The following CDH13 variants were observed in gnomAD, a reference collection of about 807,000 sequenced individuals.
CDH13 encodes the protein cadherin 13.
A neutral mutation model predicts 63.8 loss-of-function variants in CDH13; 24 were observed. That is an observed-to-expected ratio of 0.38 (90% CI 0.27 to 0.53). CDH13 has a LOEUF of 0.53. CDH13 is among the 20% of genes least tolerant of loss of function. The pLI is 0.85. For missense variants in CDH13, 1,049 were observed against 903.1 expected, an observed-to-expected ratio of 1.16 and a Z score of -2.07; for synonymous variants, 503 against 355.3, an observed-to-expected ratio of 1.42 and a Z score of -4.67.
intron 5 of CDH13, among the ~76,000 whole-genome samples, chr16:83,274,752 A>G (rs551258700): frequency 6.6e-6 from 1 of 152,288 alleles, no homozygotes; most frequent in Non-Finnish European, 1.5e-5. Context: ...AAATATGCAC[A>G]TTCTTGGGCC....
chr16:82,791,970 G>T (rs892837423), intron 1 of CDH13, among the ~76,000 whole-genome samples: 6 of 152,102 alleles, frequency 3.9e-5, no homozygotes, highest in Non-Finnish European at 8.8e-5. Context: ...ACAAAGACCC[G>T]CCCGTATCAT....
At chr16:83,081,356 C>T (rs374182660) in intron 3 of CDH13, among the ~76,000 whole-genome samples, 1 of 152,122 alleles carries the variant, frequency 6.6e-6, no homozygotes, top group Admixed American at 6.5e-5. Context: ...TGAAGACGGG[C>T]ATTGAACACA....
chr16:82,782,904 A>G (rs2035831966), intron 1 of CDH13, among the ~76,000 whole-genome samples: 1 of 152,104 alleles, frequency 6.6e-6, no homozygotes, highest in Non-Finnish European at 1.5e-5. Context: ...CCAGGTCTCT[A>G]TTGAAATGCA....
intron 5 of CDH13, among the ~76,000 whole-genome samples, chr16:83,324,449 GTC>G (rs886692127): frequency 2.0e-5 from 3 of 152,184 alleles, no homozygotes; most frequent in African/African-American, 7.2e-5. Flanking sequence ...TCTACTTCTT[GTC>G]TCTGTAGATG....
chr16:82,879,115 C>T (rs1782440099), intron 2 of CDH13, among the ~76,000 whole-genome samples: 1 of 152,152 alleles, frequency 6.6e-6, no homozygotes, highest in Admixed American at 6.5e-5. Flanking sequence ...TTGAGCTTTG[C>T]AGGCTGGGCC....
intron 2 of CDH13, among the ~76,000 whole-genome samples, chr16:82,965,802 T>C (rs141606844): frequency 1.3e-5 from 2 of 152,336 alleles, no homozygotes; most frequent in East Asian, 3.9e-4. Flanking sequence ...CAGTAAACTT[T>C]ATTTTATTTT....
chr16:82,749,933 C>T (rs1335434685), intron 1 of CDH13, among the ~76,000 whole-genome samples: 1 of 152,128 alleles, frequency 6.6e-6, no homozygotes, highest in African/African-American at 2.4e-5. Context: ...AGGCTCCTGT[C>T]TCTAGAAACA....
intron 5 of CDH13, among the ~76,000 whole-genome samples, chr16:83,315,592 T>G (rs938593382): frequency 1.3e-5 from 2 of 152,088 alleles, no homozygotes; most frequent in African/African-American, 4.8e-5. Flanking sequence ...CAATATTTGC[T>G]TCGGGGGAAA....
intron 1 of CDH13, among the ~76,000 whole-genome samples, chr16:82,693,366 A>G (rs1056726954): frequency 6.6e-6 from 1 of 152,224 alleles, no homozygotes; most frequent in East Asian, 1.9e-4. Context: ...AGGACCTGCT[A>G]GCAGAATTCT....
chr16:82,781,531 A>G (rs150111476), intron 1 of CDH13, among the ~76,000 whole-genome samples: 1 of 151,902 alleles, frequency 6.6e-6, no homozygotes, highest in Non-Finnish European at 1.5e-5. Context: ...CTATTCACCT[A>G]TCCATCCACC....
At chr16:82,740,417 C>A (rs1305617609) in intron 1 of CDH13, among the ~76,000 whole-genome samples, 1 of 152,214 alleles carries the variant, frequency 6.6e-6, no homozygotes, top group Non-Finnish European at 1.5e-5. Flanking sequence ...AACCCGCTTT[C>A]TTCAGAAGTG....
chr16:82,853,808 A>T (rs936083791), intron 1 of CDH13, among the ~76,000 whole-genome samples: 1 of 152,224 alleles, frequency 6.6e-6, no homozygotes, highest in Non-Finnish European at 1.5e-5. Flanking sequence ...TAAGACTATG[A>T]TTGCCGTGGC....
chr16:83,332,702 A>G (rs1027984364), intron 5 of CDH13, among the ~76,000 whole-genome samples: 2 of 152,120 alleles, frequency 1.3e-5, no homozygotes, highest in African/African-American at 2.4e-5. Context: ...ACCAATTAAA[A>G]TTTTTAGCCT....
intron 6 of CDH13, among the ~76,000 whole-genome samples, chr16:83,474,111 C>A (rs1351111715): frequency 6.6e-6 from 1 of 152,092 alleles, no homozygotes; most frequent in Admixed American, 6.5e-5. Context: ...GAGTCTCTTT[C>A]TTTTAAAATA....
chr16:82,810,506 T>C (rs936164834), intron 1 of CDH13, among the ~76,000 whole-genome samples: 5 of 152,148 alleles, frequency 3.3e-5, no homozygotes, highest in Admixed American at 2.6e-4. Context: ...CACTTTGGCC[T>C]GGAATGAGAG....
At chr16:83,605,730 G>A (rs6563943) in intron 8 of CDH13, among the ~76,000 whole-genome samples, 74,277 of 152,080 alleles carry the variant, frequency 0.49, 20,952 homozygotes, top group African/African-American at 0.79. Context: ...TATTATGACA[G>A]TGATGTTTCC....
At chr16:82,760,261 C>T (rs1312109943) in intron 1 of CDH13, among the ~76,000 whole-genome samples, 5 of 152,134 alleles carry the variant, frequency 3.3e-5, no homozygotes, top group Non-Finnish European at 5.9e-5. Flanking sequence ...AGTACCGCCC[C>T]CGCAAAAATG....
chr16:83,031,434 T>A (rs1916340433), intron 2 of CDH13, among the ~76,000 whole-genome samples: 1 of 149,950 alleles, frequency 6.7e-6, no homozygotes. Context: ...GGTATATACA[T>A]GTACATGTAT....
At chr16:83,734,339 G>A (rs1393352208) in intron 10 of CDH13, among the ~76,000 whole-genome samples, 3 of 152,286 alleles carry the variant, frequency 2.0e-5, no homozygotes, top group South Asian at 2.1e-4. Context: ...TTAATCGGGT[G>A]CTGCTGCAGC....
Sources: gnomAD v4.1 joint callset for allele counts (sites outside exome capture counted in the v4.1 genomes callset) on GRCh38, gnomAD v4.1.1 for gene constraint, MANE v1.5 for transcripts, NCBI Gene and HGNC (gene_info 2026-07-23, HGNC 2026-07-21) for gene names.